Variants in STOML1 observed in about 807,000 individuals in gnomAD.
STOML1 encodes stomatin like 1.
Under a neutral mutation model 35.7 loss-of-function variants are expected in STOML1, and 27 were observed. The observed-to-expected ratio is 0.76, with a 90% CI of 0.56 to 1.04. The LOEUF (loss-of-function observed/expected upper bound fraction) is 1.04, where lower values mean the gene tolerates loss of function less well. Ranked by LOEUF, STOML1 falls within the 50% of genes least tolerant of loss-of-function variation. STOML1 has a pLI of 0.00. For synonymous variants in STOML1, 219 were observed against 227.9 expected (o/e 0.96, Z 0.35); for missense variants, 451 against 527.1 (o/e 0.86, Z 1.41).
chr15:73,988,509 G>A lies in STOML1; in HGVS notation c.594+90C>T. On this transcript the variant is annotated intron_variant, in intron 4 of 6. Transcript: ENST00000541638. This position sits in a 1 kb window ranked among gnomAD's most constrained non-coding sequence, Gnocchi z 4.8. The stretch of plus-strand genomic sequence containing the variant: ...GGGACATATGGTAAACTGAGGCCCA[G>A]AGTGGTCTGACTCTTTTCTCAAAGT... 1.4e-6 allele frequency: 2 copies of A among 1,474,878 alleles called. No homozygotes were observed. The highest frequency in any genetic ancestry group is 9.2e-7 in the Non-Finnish European group (1 of 1,082,464). 91.4% of individuals were successfully genotyped at this position (1,474,878 alleles called of 1,614,324 possible).
intron 2 of STOML1, among the ~76,000 whole-genome samples, chr15:73,989,822 C>A (rs2069210642): frequency 1.3e-5 from 2 of 152,186 alleles, no homozygotes; most frequent in African/African-American, 4.8e-5. Context: ...GCAGACCACA[C>A]CAAACCCAGA....
chr15:73,984,133 G>A lies in STOML1; in HGVS notation c.1004-3C>T, dbSNP rs772078974. Reference sequence around the variant, plus strand: ...CCCGTGTCCCACTCTTCCTCGTCCTGTGGGGCAAAAGAAAACCGAGTGTCA... The same window carrying A: ...CCCGTGTCCCACTCTTCCTCGTCCTATGGGGCAAAAGAAAACCGAGTGTCA... On this transcript the variant is annotated splice_polypyrimidine_tract_variant and splice_region_variant and intron_variant, in intron 6 of 6. Coordinates refer to ENST00000541638, the MANE Select transcript of STOML1 (RefSeq NM_004809.5). 1.4e-5 allele frequency: 22 copies of A among 1,606,680 alleles called. No individual in the cohort carries two copies. In the Admixed American group the frequency reaches 2.3e-4, roughly 17 times the overall value.
chr15:73,979,226 C>G lies in STOML1; in HGVS notation c.*4711G>C, dbSNP rs1326473669. Reference sequence around the variant, plus strand: ...TGCTCAAAGCTGGAGGTGGCAAGCACTGACGGGAAGTGACGTGGAGAACTT... The same window carrying G: ...TGCTCAAAGCTGGAGGTGGCAAGCAGTGACGGGAAGTGACGTGGAGAACTT... On this transcript the variant is annotated 3_prime_UTR_variant, in exon 7 of 7. Transcript: ENST00000541638. 1 of 152,192 alleles carries G rather than the reference C, an allele frequency of 6.6e-6. No homozygotes were observed. The highest frequency in any genetic ancestry group is 1.5e-5 in the Non-Finnish European group (1 of 68,040). The allele number at this position is 152,192 out of a possible 1,614,324, so 9.4% of individuals were successfully genotyped here. A position where few individuals can be genotyped will look rare whatever the true frequency, so the allele number is the denominator to read the frequency against.
Position 73,980,582 on chromosome 15 carries a change from T to C in STOML1, c.*3355A>G, listed in dbSNP as rs1418903386. 6.6e-6 allele frequency: 1 copy of C among 152,180 alleles called. No individual in the cohort carries two copies. Among genetic ancestry groups the C allele is most frequent in the East Asian group, 1.9e-4 (1 of 5,200 alleles). 9.4% of individuals were successfully genotyped at this position (152,180 alleles called of 1,614,324 possible). A position where few individuals can be genotyped will look rare whatever the true frequency, so the allele number is the denominator to read the frequency against. ...ACAGGAACAACAAAAACCCAGAAGA[T>C]ACATATTTGGATTTTCTTGCATATA... On this transcript the variant is annotated 3_prime_UTR_variant, in exon 7 of 7. Transcript: ENST00000541638.
chr15:73,984,354 T>C (rs2069018894), intron 6 of STOML1, among the ~76,000 whole-genome samples: 1 of 152,256 alleles, frequency 6.6e-6, no homozygotes, highest in Non-Finnish European at 1.5e-5. Context: ...TCCTAAAGCA[T>C]AGGCTCATGG....
At chr15:73,990,308 A>G in intron 2 of STOML1, 43 bp downstream of exon 2, 1 of 1,574,044 alleles carries the variant, frequency 6.4e-7, no homozygotes, top group Non-Finnish European at 8.7e-7. Flanking sequence ...CAAAGCTCTC[A>G]GTGTGGCCCA....
In STOML1 at chr15:73,985,296, TCTCCTCCCCAGGG is replaced by T. The variant is rs764200362; in HGVS notation, c.790+9_790+21del. The T allele has an allele frequency of 9.9e-6, 15 of 1,514,180 alleles. No homozygotes were observed. The highest frequency in any genetic ancestry group is 1.3e-5 in the Non-Finnish European group (15 of 1,137,244). The allele number at this position is 1,514,180 out of a possible 1,614,324, so 93.8% of individuals were successfully genotyped here. ...GCACCAAGCTGGTAAACACCCCCGC[TCTCCTCCCCAGGG>T]CTCCTCACCTGGCCCCGGGGACGGG... On this transcript the variant is annotated intron_variant, in intron 5 of 6. Coordinates refer to ENST00000541638, the MANE Select transcript of STOML1 (RefSeq NM_004809.5).
At chr15:73,989,810 T>C (rs1398831434) in intron 2 of STOML1, among the ~76,000 whole-genome samples, 1 of 152,172 alleles carries the variant, frequency 6.6e-6, no homozygotes, top group Non-Finnish European at 1.5e-5. Flanking sequence ...AAGGACCCCC[T>C]TGCAGACCAC....
Position 73,984,054 on chromosome 15 carries a change from C to A in STOML1, c.1080G>T (p.Arg360=), listed in dbSNP as rs1037284716. 7 of 1,613,958 alleles carry A rather than the reference C, an allele frequency of 4.3e-6. No homozygotes were observed. The highest frequency in any genetic ancestry group is 1.3e-5 in the African/African-American group (1 of 74,946). Residue 360 remains arginine, a synonymous_variant, in exon 7 of 7, where the codon CGG becomes CGT. Coordinates refer to ENST00000541638, the MANE Select transcript of STOML1 (RefSeq NM_004809.5). ...VVVEMAEADL[R]ALLCRELRPL... Reference sequence around the variant, plus strand: ...GCCGCAGCTCTCTGCATAGCAGGGCCCGCAGGTCTGCCTCGGCCATCTCCA... The same window carrying A: ...GCCGCAGCTCTCTGCATAGCAGGGCACGCAGGTCTGCCTCGGCCATCTCCA...
In STOML1 at chr15:73,987,443, C is replaced by A. The variant is rs2069134014; in HGVS notation, c.594+1156G>T. 4 of 152,210 alleles carry A rather than the reference C, an allele frequency of 2.6e-5. No homozygotes were observed. The South Asian group carries it at 8.3e-4, about 31-fold the overall frequency. 9.4% of individuals were successfully genotyped at this position (152,210 alleles called of 1,614,324 possible). ...TCACATCCTGGTGTGGAACTGACCT[C>A]CCCAAACTGCCTGTCTCACATCAAA... On this transcript the variant is annotated intron_variant, in intron 4 of 6. Transcript: ENST00000541638.
Position 73,988,765 on chromosome 15 carries a change from G to A in STOML1, c.428C>T (p.Ala143Val), listed in dbSNP as rs779877156. 1.5e-5 allele frequency: 24 copies of A among 1,614,034 alleles called. No individual in the cohort carries two copies. Among genetic ancestry groups the A allele is most frequent in the Non-Finnish European group, 1.9e-5 (22 of 1,180,022 alleles). The change falls in exon 4 of 7, where the codon GCC becomes GTC. Residue 143 changes from alanine (A) to valine (V), a missense_variant. Transcript: ENST00000541638. This position sits in a 1 kb window ranked among gnomAD's most constrained non-coding sequence, Gnocchi z 4.8. ...GTCCCAGATGCGAAACTGGACATCG[G>A]CTCCCACGGACAGCACAGCCCCGTC... ...SKDGAVLSVG[A>V]DVQFRIWDPV...
chr15:73,985,501 C>T lies in STOML1; in HGVS notation c.607G>A (p.Asp203Asn), dbSNP rs771754287. ...ISDQLLLEIN[D>N]VTRAWGLEVD... ...TCCAGCCCCCAGGCCCTGGTCACAT[C>T]GTTGATCTCCAGCTGGAGGACAGTG... The change falls in exon 5 of 7, where the codon GAT becomes AAT. Residue 203 changes from aspartate to asparagine, a missense_variant. Coordinates refer to ENST00000541638, the MANE Select transcript of STOML1 (RefSeq NM_004809.5). 42 of 1,540,448 alleles carry T rather than the reference C, an allele frequency of 2.7e-5. No homozygotes were observed. The highest frequency in any genetic ancestry group is 4.9e-5 in the South Asian group (4 of 82,318).
At position 73,989,268 on chromosome 15, in the gene STOML1, T is replaced by C. The variant is rs376784626; in HGVS notation, c.241-11A>G. 1.1e-4 allele frequency: 169 copies of C among 1,574,364 alleles called. No individual in the cohort carries two copies. The highest frequency in any genetic ancestry group is 1.4e-4 in the Non-Finnish European group (163 of 1,156,458). ...GTAGGTGGGCACAATCTGTCCACAA[T>C]GGCAAGGGAAAGAGTTGAAAGTGGT... On this transcript the variant is annotated splice_polypyrimidine_tract_variant and intron_variant, in intron 2 of 6. Transcript: ENST00000541638.
chr15:73,990,869 G>T, intron 1 of STOML1: 1 of 1,535,542 alleles, frequency 6.5e-7, no homozygotes, highest in Non-Finnish European at 8.7e-7. Context: ...GAATACTGCT[G>T]GCAAAACACA....
rs1395522227 is a variant in STOML1 at position 73,982,785 on chromosome 15, C to T, written c.*1152G>A. 2 of 152,312 alleles carry T rather than the reference C, an allele frequency of 1.3e-5. No homozygotes were observed. The highest frequency in any genetic ancestry group is 6.5e-5 in the Admixed American group (1 of 15,282). 9.4% of individuals were successfully genotyped at this position (152,312 alleles called of 1,614,324 possible). On this transcript the variant is annotated 3_prime_UTR_variant, in exon 7 of 7. Transcript: ENST00000541638. ...GGCCCCTGGGGTTTGGGCGAGAGTA[C>T]TGGAGCAGAAAGCAGGGCTGGGCTG...
chr15:73,987,593 T>A (rs2069137533), intron 4 of STOML1: 1 of 152,254 alleles, frequency 6.6e-6, no homozygotes, highest in African/African-American at 2.4e-5. Flanking sequence ...AGCACTGGAT[T>A]GAGGGGCGAT....
chr15:73,993,930 C>G, upstream of STOML1, among the ~76,000 whole-genome samples: 1 of 151,670 alleles, frequency 6.6e-6, no homozygotes, highest in Non-Finnish European at 1.5e-5. Context: ...TCACTCAAGG[C>G]ATCATCCTGC....
chr15:73,992,651 T>G (rs185834192), upstream of STOML1, among the ~76,000 whole-genome samples: 15 of 152,236 alleles, frequency 9.9e-5, no homozygotes, highest in East Asian at 2.7e-3. Context: ...CTACAAAAAA[T>G]TTTTAAAAAT....
rs1180710404 is a variant in STOML1, at chr15:73,981,330, G to C, written c.*2607C>G. 1 of 151,866 alleles carries C rather than the reference G, an allele frequency of 6.6e-6. No homozygotes were observed. Among genetic ancestry groups the C allele is most frequent in the African/African-American group, 2.4e-5 (1 of 41,294 alleles). 9.4% of individuals were successfully genotyped at this position (151,866 alleles called of 1,614,324 possible). On this transcript the variant is annotated 3_prime_UTR_variant, in exon 7 of 7. Coordinates refer to ENST00000541638, the MANE Select transcript of STOML1 (RefSeq NM_004809.5). ...GAGATTGTACTGTACTCTAACATGG[G>C]CAACAGAGTAAGACTCTTGTTTCAA...
Sources: allele counts gnomAD v4.1 joint callset (sites outside exome capture counted in the v4.1 genomes callset), GRCh38; gene constraint gnomAD v4.1.1; non-coding constraint Gnocchi (gnomAD v3.1); transcripts MANE v1.5; gene names NCBI Gene and HGNC (gene_info 2026-07-23, HGNC 2026-07-21).